The following PSG6 variants were observed in gnomAD, a reference collection of about 807,000 sequenced individuals.
PSG6 encodes the protein pregnancy specific beta-1-glycoprotein 6, also known as pregnancy-specific beta-1-glycoprotein 6.
PSG6 carries 51 observed loss-of-function variants against 43.3 expected under a neutral mutation model. The observed-to-expected ratio is 1.18, with a 90% CI of 0.94 to 1.49. PSG6 has a LOEUF of 1.49. PSG6 is among the 40% of genes most tolerant of loss of function. The pLI is 0.00. For synonymous variants in PSG6, 292 were observed against 197.6 expected (o/e 1.48, Z -4.01); for missense variants, 770 against 522.2 (o/e 1.47, Z -4.62).
At chr19:42,907,878 C>T (rs751944971) in intron 3 of PSG6, 24 bp from the exon 4 acceptor site, 21 of 1,608,402 alleles carry the variant, frequency 1.3e-5, no homozygotes, top group South Asian at 2.2e-5. Context: ...AGAAGATTGT[C>T]CTGTGTGGCA....
chr19:42,907,222 G>A (rs748172432), intron 4 of PSG6, 46 bp from the exon 5 acceptor site: 2 of 1,593,278 alleles, frequency 1.3e-6, no homozygotes, highest in Non-Finnish European at 1.7e-6. Context: ...TCCAAGGGAA[G>A]GGGATGCTCC....
intron 5 of PSG6, chr19:42,906,714 C>A: frequency 1.3e-6 from 2 of 1,496,656 alleles, no homozygotes; most frequent in Non-Finnish European, 9.0e-7. Context: ...CTTTCTCAGG[C>A]CAGACACAAG....
At chr19:42,903,816 C>G (rs917019518) in intron 5 of PSG6, 1 of 1,405,852 alleles carries the variant, frequency 7.1e-7, no homozygotes, top group African/African-American at 1.5e-5. Flanking sequence ...TTGCTTGAGC[C>G]CAGGAGGTTG....
intron 1 of PSG6, 23 bp from the exon 2 acceptor site, chr19:42,916,510 G>T: frequency 6.3e-7 from 1 of 1,598,286 alleles, no homozygotes; most frequent in African/African-American, 1.3e-5. Flanking sequence ...GACAGCATCA[G>T]TTAATATTTG....
chr19:42,903,738 AAC>A lies in PSG6; in HGVS notation c.1241-1294_1241-1293del, dbSNP rs1972070650. 2.6e-6 allele frequency: 4 copies of A among 1,520,166 alleles called. No homozygotes were observed. The East Asian group carries it at 7.5e-5, about 28-fold the overall frequency. The allele number at this position is 1,520,166 out of a possible 1,614,324, so 94.2% of individuals were successfully genotyped here. A position where few individuals can be genotyped will look rare whatever the true frequency, so the allele number is the denominator to read the frequency against. ...ATGCTGTCTCTACAAAAAAAAAAAAAACCAATTAGCTGGGCATGTTGACATGC... is the reference window on the plus strand; with the variant it reads ...ATGCTGTCTCTACAAAAAAAAAAAAACAATTAGCTGGGCATGTTGACATGC... On this transcript the variant is annotated intron_variant, in intron 5 of 5. Transcript: ENST00000187910.
chr19:42,908,262 C>A (rs142236357), intron 3 of PSG6, among the ~76,000 whole-genome samples: 1 of 151,672 alleles, frequency 6.6e-6, no homozygotes, highest in Non-Finnish European at 1.5e-5. Context: ...TTCTCTGCAG[C>A]TTCCATTTCC....
chr19:42,911,188 G>T (rs1972218315), intron 2 of PSG6, among the ~76,000 whole-genome samples: 1 of 151,532 alleles, frequency 6.6e-6, no homozygotes, highest in African/African-American at 2.4e-5. Flanking sequence ...CCCACCTTTT[G>T]GTCCTTACTT....
intron 3 of PSG6, 118 bp from the exon 4 acceptor site, chr19:42,907,972 C>G (rs527391688): frequency 7.0e-7 from 1 of 1,422,720 alleles, no homozygotes; most frequent in Admixed American, 1.9e-5. Context: ...AAGCCAGTAG[C>G]TGGTGCATGT....
intron 1 of PSG6, 145 bp downstream of exon 1, chr19:42,917,584 T>G: frequency 1.5e-6 from 2 of 1,299,570 alleles, no homozygotes; most frequent in Non-Finnish European, 2.1e-6. Context: ...AGACTGATCT[T>G]GAACTCCTGA....
At chr19:42,917,652 C>G in intron 1 of PSG6, 77 bp downstream of exon 1, 1 of 1,579,246 alleles carries the variant, frequency 6.3e-7, no homozygotes, top group South Asian at 1.1e-5. Flanking sequence ...TTTTTTAGAA[C>G]CCCATCCTCT....
Position 42,907,312 on chromosome 19 carries a change from A to G in PSG6, c.986-136T>C, listed in dbSNP as rs377489214. 2.1e-3 allele frequency: 3,152 copies of G among 1,477,590 alleles called. 92 individuals are homozygous for G. The African/African-American group carries it at 0.025, about 12-fold the overall frequency. 91.5% of individuals were successfully genotyped at this position (1,477,590 alleles called of 1,614,324 possible). A position where few individuals can be genotyped will look rare whatever the true frequency, so the allele number is the denominator to read the frequency against. ...CAGCCAAATCCCATCTATGTTTACT[A>G]AGCCCAAGCCTGAGGTATTCCCCTG... On this transcript the variant is annotated intron_variant, in intron 4 of 5. Transcript: ENST00000187910.
At position 42,908,542 on chromosome 19, in the gene PSG6, G is replaced by A. The variant is rs1375981857; in HGVS notation, c.707-688C>T. On this transcript the variant is annotated intron_variant, in intron 3 of 5. Transcript: ENST00000187910. ...TGATCTAGAAAGAGTGAAGGGGACA[G>A]GCAAGAGCTGGTGGCTTTGGAGCAG... Among the ~76,000 whole-genome samples, 6 of 151,686 alleles carry A rather than the reference G, an allele frequency of 4.0e-5. 1 individual carries two copies. The highest frequency in any genetic ancestry group is 4.2e-4 in the South Asian group (2 of 4,776).
intron 3 of PSG6, among the ~76,000 whole-genome samples, chr19:42,908,523 A>C (rs928180156): frequency 5.9e-5 from 9 of 151,772 alleles, no homozygotes; most frequent in African/African-American, 1.9e-4. Context: ...GGAATGATCT[A>C]GAAAGAGTGA....
chr19:42,916,561 GAGA>G, intron 1 of PSG6, 74 bp from the exon 2 acceptor site: 1 of 1,528,736 alleles, frequency 6.5e-7, no homozygotes, highest in Non-Finnish European at 8.8e-7. Context: ...CCTGTGTCCT[GAGA>G]AGGTCTCTTC....
Position 42,916,503 on chromosome 19 carries a change from A to G in PSG6, c.65-16T>C. On this transcript the variant is annotated splice_polypyrimidine_tract_variant and intron_variant, in intron 1 of 5. Transcript: ENST00000187910. ...AAAAGTGATGCTAGGAGGTAGAGACAGCATCAGTTAATATTTGGACCTATG... is the reference window on the plus strand; with the variant it reads ...AAAAGTGATGCTAGGAGGTAGAGACGGCATCAGTTAATATTTGGACCTATG... 6.2e-7 allele frequency: 1 copy of G among 1,602,104 alleles called. No individual in the cohort carries two copies. Among genetic ancestry groups the G allele is most frequent in the Non-Finnish European group, 8.5e-7 (1 of 1,174,202 alleles).
At chr19:42,903,189 T>G (rs368639357) in intron 5 of PSG6, among the ~76,000 whole-genome samples, 16 of 151,754 alleles carry the variant, frequency 1.1e-4, no homozygotes, top group Middle Eastern at 3.4e-3. Flanking sequence ...TGGTTCCTCT[T>G]TGTGTGGCAT....
intron 3 of PSG6, 101 bp from the exon 4 acceptor site, chr19:42,907,955 T>A: frequency 6.7e-7 from 1 of 1,501,720 alleles, no homozygotes; most frequent in Non-Finnish European, 9.1e-7. Context: ...CCCACATGAG[T>A]CCTTGAAAGC....
rs141278069 is a variant in PSG6, at chr19:42,916,214, T to C, written c.338A>G (p.Gln113Arg). 237 of 1,612,248 alleles carry C rather than the reference T, an allele frequency of 1.5e-4. 4 individuals are homozygous for C. The African/African-American group carries it at 1.8e-3, about 12-fold the overall frequency. ...TAAGGTGTAGGATCCTGCATCCTCC[T>C]GTGTGACATTCTGGATCAGCAGGGA... is the stretch of plus-strand genomic sequence containing the variant. ...NASLLIQNVT[Q>R]EDAGSYTLHI... The change falls in exon 2 of 6, where the codon CAG becomes CGG. Residue 113 changes from glutamine to arginine, a missense_variant. Transcript: ENST00000187910.
At position 42,906,580 on chromosome 19, in the gene PSG6, A is replaced by G. The variant is rs151033436; in HGVS notation, c.1240+342T>C. On this transcript the variant is annotated intron_variant, in intron 5 of 5. Coordinates refer to ENST00000187910, the MANE Select transcript of PSG6 (RefSeq NM_001031850.4). ...GGAATAGGTACAAGAAAACAAAGAC[A>G]TGGCAGAAGGGGATGTGTTCGTGAC... The G allele has an allele frequency of 1.6e-3, 2,167 of 1,328,492 alleles. 73 individuals are homozygous for G. In the African/African-American group the frequency reaches 0.029, roughly 18 times the overall value. 82.3% of individuals were successfully genotyped at this position (1,328,492 alleles called of 1,614,324 possible). A position where few individuals can be genotyped will look rare whatever the true frequency, so the allele number is the denominator to read the frequency against.
Sources: gnomAD v4.1 joint callset for allele counts (sites outside exome capture counted in the v4.1 genomes callset) on GRCh38, gnomAD v4.1.1 for gene constraint, MANE v1.5 for transcripts, NCBI Gene and HGNC (gene_info 2026-07-23, HGNC 2026-07-21) for gene names.